Variants in RANBP1 observed in about 807,000 individuals in gnomAD.
RANBP1 encodes RAN binding protein 1, also known as ran-specific GTPase-activating protein.
In RANBP1, 16 loss-of-function variants were observed where a neutral mutation model predicts 31.4. That is an observed-to-expected ratio of 0.51 (90% CI 0.34 to 0.77). The LOEUF (loss-of-function observed/expected upper bound fraction) is 0.77. RANBP1 is among the 30% of genes least tolerant of loss of function. RANBP1 has a pLI of 0.01. For synonymous variants in RANBP1, 129 were observed against 140.5 expected (o/e 0.92, Z 0.58); for missense variants, 265 against 362.0 (o/e 0.73, Z 2.17).
intron 2 of RANBP1, among the ~76,000 whole-genome samples, chr22:20,119,767 A>C (rs1424704831): frequency 6.6e-6 from 1 of 152,158 alleles, no homozygotes; most frequent in Non-Finnish European, 1.5e-5. Flanking sequence ...TGCCCACCCC[A>C]GCCTCCCAAA....
At chr22:20,118,033 C>T (rs1466605008) in intron 1 of RANBP1, 12 of 992,036 alleles carry the variant, frequency 1.2e-5, no homozygotes, top group African/African-American at 3.5e-5. Context: ...TGCATTTATT[C>T]TTTCCGTCGC....
chr22:20,120,334 T>C (rs1015153678), intron 2 of RANBP1, among the ~76,000 whole-genome samples: 4 of 149,254 alleles, frequency 2.7e-5, no homozygotes, highest in African/African-American at 9.7e-5. Flanking sequence ...CCGTAGCCCC[T>C]GTTTGGGAGT....
chr22:20,127,063 T>G lies in RANBP1; in HGVS notation c.*11T>G. On this transcript the variant is annotated 3_prime_UTR_variant, in exon 6 of 6. Coordinates refer to ENST00000430524, the MANE Select transcript of RANBP1 (RefSeq NM_001278639.2). ...GAGGAGAAGCAATAAATCGTCTTAT[T>G]TTATTTTCTTTTCCTCTCTTTCCTT... The G allele has an allele frequency of 6.3e-7, 1 of 1,587,798 alleles. No homozygotes were observed. The highest frequency in any genetic ancestry group is 1.1e-5 in the South Asian group (1 of 88,626).
At chr22:20,117,615 C>G in intron 1 of RANBP1, 3 of 1,313,414 alleles carry the variant, frequency 2.3e-6, no homozygotes, top group Non-Finnish European at 2.9e-6. Context: ...CAGCGACGAC[C>G]GACCCAGCCG....
chr22:20,116,454 G>C, intron 1 of RANBP1, 24 bp downstream of exon 1: 1 of 1,612,888 alleles, frequency 6.2e-7, no homozygotes. Flanking sequence ...CCCTGATGTA[G>C]CTGTAGAGCC....
intron 5 of RANBP1, 149 bp from the exon 6 acceptor site, chr22:20,126,802 TC>T: frequency 7.4e-7 from 1 of 1,343,202 alleles, no homozygotes; most frequent in Non-Finnish European, 1.0e-6. Context: ...GAAGACAGAC[TC>T]CAGGAGGCGG....
Position 20,116,366 on chromosome 22 carries a change from G to A in RANBP1, c.182G>A (p.Arg61His), listed in dbSNP as rs759661446. The A allele has an allele frequency of 5.4e-5, 87 of 1,612,348 alleles. No individual in the cohort carries two copies. The highest frequency in any genetic ancestry group is 9.3e-5 in the African/African-American group (7 of 74,948). Residue 61 changes from arginine (R) to histidine (H), a missense_variant, in exon 1 of 6, where the codon CGC becomes CAC. Coordinates refer to ENST00000430524, the MANE Select transcript of RANBP1 (RefSeq NM_001278639.2). ...TGCAGACCAAAGCGGCCCAGGAAGC[G>A]CCGGACGTCGCTGAAGCTGGCGTGG... The part of the protein sequence containing the change: ...WGCRPKRPRK[R>H]RTSLKLAWRG...
intron 1 of RANBP1, chr22:20,116,811 G>A: frequency 1.4e-6 from 2 of 1,472,820 alleles, no homozygotes; most frequent in Non-Finnish European, 1.9e-6. Flanking sequence ...CTATTCTCTG[G>A]CAGGTTTCCT....
chr22:20,119,275 T>G, intron 2 of RANBP1, 126 bp downstream of exon 2: 2 of 870,922 alleles, frequency 2.3e-6, no homozygotes, highest in South Asian at 1.7e-5. Context: ...CTAAAGTTGG[T>G]GACTAATCCC....
intron 3 of RANBP1, chr22:20,124,415 G>A (rs1410476868): frequency 6.6e-6 from 1 of 152,436 alleles, no homozygotes; most frequent in Non-Finnish European, 1.5e-5. Flanking sequence ...CAGGGGGCTT[G>A]GCATCCGCTG....
chr22:20,117,744 C>T, intron 1 of RANBP1: 7 of 1,085,844 alleles, frequency 6.4e-6, no homozygotes, highest in South Asian at 4.4e-5. Flanking sequence ...CGGCCCGCGC[C>T]GCCGCCACCA....
chr22:20,116,257 C>G lies in RANBP1; in HGVS notation c.73C>G (p.Arg25Gly). 6.2e-7 allele frequency: 1 copy of G among 1,612,990 alleles called. No homozygotes were observed. Among genetic ancestry groups the G allele is most frequent in the East Asian group, 2.2e-5 (1 of 44,886 alleles). Residue 25 changes from arginine (R) to glycine (G), a missense_variant, in exon 1 of 6, where the codon CGC becomes GGC. This residue lies in a region of RANBP1 where 126 missense variants were observed against 123.6 expected (regional missense o/e 1.02). Transcript: ENST00000430524. Reference protein sequence around the residue: ...RPFQRAPCKTRRALSLSAALR... With the variant: ...RPFQRAPCKTGRALSLSAALR... ...TTTCCAGAGGGCACCATGCAAAACG[C>G]GCAGGGCCTTGTCCCTCTCTGCAGC... is the stretch of plus-strand genomic sequence containing the variant.
In RANBP1 at chr22:20,125,154, A is replaced by G. The variant is rs549282042; in HGVS notation, c.542-154A>G. 102 of 766,752 alleles carry G rather than the reference A, an allele frequency of 1.3e-4. No individual in the cohort carries two copies. The East Asian group carries it at 2.7e-3, about 20-fold the overall frequency. 47.5% of individuals were successfully genotyped at this position (766,752 alleles called of 1,614,324 possible). A position where few individuals can be genotyped will look rare whatever the true frequency, so the allele number is the denominator to read the frequency against. ...TTGAATAAAACTCAGGCGCCGTGGT[A>G]CTTTGTCTAAGCCTGGTTCTCCAAC... On this transcript the variant is annotated intron_variant, in intron 3 of 5. Transcript: ENST00000430524.
At chr22:20,116,785 C>A in intron 1 of RANBP1, 1 of 1,450,778 alleles carries the variant, frequency 6.9e-7, no homozygotes. Flanking sequence ...CCCTATCGCA[C>A]CTGCCTCGTC....
At chr22:20,116,823 A>C (rs1602526074) in intron 1 of RANBP1, 14 of 1,293,994 alleles carry the variant, frequency 1.1e-5, no homozygotes, top group Non-Finnish European at 1.4e-5. Flanking sequence ...AGGTTTCCTG[A>C]CCCACCCCGC....
At chr22:20,123,657 G>A (rs918309491) in intron 3 of RANBP1, among the ~76,000 whole-genome samples, 52 of 152,082 alleles carry the variant, frequency 3.4e-4, no homozygotes, top group Non-Finnish European at 1.3e-4. Flanking sequence ...GGTCCTGGGC[G>A]CCTCTGAAGC....
rs963701467 is a variant in RANBP1 at position 20,119,555 on chromosome 22, T to C, written c.383+406T>C. ...TTGTTGTTGTTGTTTTGAGATGGAG[T>C]CTCGCTCTGTCGCCCAGGCTGGAGT... On this transcript the variant is annotated intron_variant, in intron 2 of 5. Transcript: ENST00000430524. 3 of 192,638 alleles carry C rather than the reference T, an allele frequency of 1.6e-5. No homozygotes were observed. In the Admixed American group the frequency reaches 1.6e-4, roughly 10 times the overall value. The allele number at this position is 192,638 out of a possible 1,614,324, so 11.9% of individuals were successfully genotyped here. A position where few individuals can be genotyped will look rare whatever the true frequency, so the allele number is the denominator to read the frequency against.
chr22:20,118,885 G>T (rs1382263917), intron 1 of RANBP1, 128 bp from the exon 2 acceptor site: 6 of 918,972 alleles, frequency 6.5e-6, no homozygotes, highest in East Asian at 2.5e-5. Context: ...TCTTGCTTTG[G>T]GGTTGGGCCC....
Position 20,119,106 on chromosome 22 carries a change from G to A in RANBP1, c.340G>A (p.Glu114Lys). ...GCCAATAGTTTCTCTTCCTGAGCAAGAAATTAAAACACTGGAAGAAGATGA... is the reference window on the plus strand; with the variant it reads ...GCCAATAGTTTCTCTTCCTGAGCAAAAAATTAAAACACTGGAAGAAGATGA... The part of the protein sequence containing the change: ...FEPIVSLPEQ[E>K]IKTLEEDEEE... The change falls in exon 2 of 6, where the codon GAA becomes AAA. Residue 114 changes from glutamate (E) to lysine (K), a missense_variant. By Grantham distance (56) the Glu-to-Lys change is moderately conservative. Around this residue, in one of 3 missense-constraint regions of RANBP1, gnomAD observed 90 missense variants for 190.5 expected, o/e 0.47. Transcript: ENST00000430524. The A allele has an allele frequency of 6.2e-7, 1 of 1,612,834 alleles. No homozygotes were observed. The highest frequency in any genetic ancestry group is 1.7e-5 in the Admixed American group (1 of 60,000).
Sources: allele counts gnomAD v4.1 joint callset (sites outside exome capture counted in the v4.1 genomes callset), GRCh38; gene constraint gnomAD v4.1.1; regional missense constraint gnomAD v4.1.1; transcripts MANE v1.5; gene names NCBI Gene and HGNC (gene_info 2026-07-23, HGNC 2026-07-21).